The following GRID2 variants were observed in gnomAD, a reference collection of about 807,000 sequenced individuals.
The protein encoded by GRID2 is glutamate receptor ionotropic, delta-2.
GRID2 carries 33 observed loss-of-function variants against 114.8 expected under a neutral mutation model. That is an observed-to-expected ratio of 0.29 (90% CI 0.22 to 0.38). The LOEUF (loss-of-function observed/expected upper bound fraction) is 0.38, where lower values mean the gene tolerates loss of function less well. GRID2 is among the 10% of genes least tolerant of loss of function. GRID2 has a pLI of 1.00. For synonymous variants in GRID2, 505 were observed against 449.9 expected (o/e 1.12, Z -1.55); for missense variants, 1,184 against 1,257.7 (o/e 0.94, Z 0.89).
At chr4:93,262,269 T>C (rs906649148) in intron 8 of GRID2, among the ~76,000 whole-genome samples, 1 of 151,952 alleles carries the variant, frequency 6.6e-6, no homozygotes, top group Non-Finnish European at 1.5e-5. Flanking sequence ...TTCTTAGCAT[T>C]CCTTTCTAAA....
At chr4:93,738,531 A>G (rs1731114229) in intron 14 of GRID2, among the ~76,000 whole-genome samples, 2 of 152,142 alleles carry the variant, frequency 1.3e-5, no homozygotes, top group African/African-American at 4.8e-5. Flanking sequence ...GGAAGACTTA[A>G]TAAATGCCTA....
At chr4:93,630,805 AC>A (rs200637093) in intron 14 of GRID2, among the ~76,000 whole-genome samples, 1 of 145,898 alleles carries the variant, frequency 6.9e-6, no homozygotes, top group South Asian at 2.2e-4. Context: ...GCTTAGAATC[AC>A]AAAAAAAAGC....
intron 1 of GRID2, among the ~76,000 whole-genome samples, chr4:92,315,993 C>CAAAAAAAAAAAAAAAAAAAAAAAGAAA (rs778361565): frequency 9.7e-5 from 6 of 61,898 alleles, no homozygotes; most frequent in East Asian, 5.0e-4. Flanking sequence ...AAACAAAAAG[C>CAAAAAAAAAAAAAAAAAAAAAAAGAAA]AAAAAAAAAA....
intron 4 of GRID2, among the ~76,000 whole-genome samples, chr4:93,141,206 T>C (rs1735740021): frequency 6.6e-6 from 1 of 152,200 alleles, no homozygotes; most frequent in South Asian, 2.1e-4. Flanking sequence ...ATTTTAGTTT[T>C]ATTTTCCATT....
intron 3 of GRID2, among the ~76,000 whole-genome samples, chr4:93,089,027 A>G (rs796258930): frequency 9.2e-5 from 14 of 152,204 alleles, no homozygotes; most frequent in African/African-American, 3.1e-4. Context: ...TTTACTCCTC[A>G]TAATAGCCCT....
intron 14 of GRID2, among the ~76,000 whole-genome samples, chr4:93,730,577 A>C (rs1730392029): frequency 6.6e-6 from 1 of 152,184 alleles, no homozygotes; most frequent in Admixed American, 6.5e-5. Context: ...ATCCCATTGC[A>C]CTTGCCCATG....
intron 2 of GRID2, among the ~76,000 whole-genome samples, chr4:92,592,489 AC>A (rs1281986673): frequency 6.6e-6 from 1 of 152,062 alleles, no homozygotes; most frequent in Non-Finnish European, 1.5e-5. Context: ...TTTTGTTTCA[AC>A]ATTGCTCTCT....
At chr4:92,664,016 C>G (rs1036033201) in intron 2 of GRID2, among the ~76,000 whole-genome samples, 1 of 151,068 alleles carries the variant, frequency 6.6e-6, no homozygotes, top group Non-Finnish European at 1.5e-5. Flanking sequence ...TTTTACTTAT[C>G]TTTGCTCTAA....
chr4:93,665,245 G>A (rs571966331), intron 14 of GRID2, among the ~76,000 whole-genome samples: 2 of 152,240 alleles, frequency 1.3e-5, no homozygotes, highest in South Asian at 2.1e-4. Context: ...TCTGTACAAA[G>A]CAATAAATGC....
intron 2 of GRID2, among the ~76,000 whole-genome samples, chr4:92,686,542 A>G (rs1354681888): frequency 1.3e-5 from 2 of 152,038 alleles, no homozygotes; most frequent in African/African-American, 4.8e-5. Flanking sequence ...GGATTCTGAG[A>G]ATTTAATAAA....
At chr4:92,461,825 T>C (rs1343795890) in intron 1 of GRID2, among the ~76,000 whole-genome samples, 1 of 152,022 alleles carries the variant, frequency 6.6e-6, no homozygotes, top group African/African-American at 2.4e-5. Flanking sequence ...GAGCATTTTC[T>C]GCTCAGTTAG....
rs141740790 is a variant in GRID2, at chr4:92,770,219, G to A, written c.244+179933G>A. Among the ~76,000 whole-genome samples the A allele has an allele frequency of 9.7e-3, 1,479 of 152,242 alleles. 26 individuals carry two copies. The highest frequency in any genetic ancestry group is 0.034 in the African/African-American group (1,396 of 41,548). On this transcript the variant is annotated intron_variant, in intron 2 of 15. Coordinates refer to ENST00000282020, the MANE Select transcript of GRID2 (RefSeq NM_001510.4). ...ACCAGTCTCTTTGCTAAAACATAAA[G>A]AGAATCACCTTTGTTCCAGTTCCCA...
chr4:92,865,239 C>T (rs1744780393), intron 2 of GRID2, among the ~76,000 whole-genome samples: 1 of 152,158 alleles, frequency 6.6e-6, no homozygotes, highest in Non-Finnish European at 1.5e-5. Context: ...TACACAGTCA[C>T]TTCTCTTTCT....
intron 2 of GRID2, among the ~76,000 whole-genome samples, chr4:92,869,617 A>G (rs1745130373): frequency 6.6e-6 from 1 of 152,200 alleles, no homozygotes; most frequent in African/African-American, 2.4e-5. Context: ...CCTGGCTTAT[A>G]AAGCCCGACA....
chr4:92,482,872 C>G (rs567655430), intron 1 of GRID2, among the ~76,000 whole-genome samples: 14 of 152,282 alleles, frequency 9.2e-5, no homozygotes, highest in Admixed American at 6.5e-4. Context: ...ACATTATTCT[C>G]TAAATTCTAT....
At chr4:92,310,193 A>G (rs1268720070) in intron 1 of GRID2, among the ~76,000 whole-genome samples, 3 of 151,972 alleles carry the variant, frequency 2.0e-5, no homozygotes, top group African/African-American at 7.2e-5. Context: ...TGTTCATGTA[A>G]AACTCATAAC....
At chr4:93,583,577 A>G (rs1737207698) in intron 13 of GRID2, among the ~76,000 whole-genome samples, 1 of 152,154 alleles carries the variant, frequency 6.6e-6, no homozygotes, top group African/African-American at 2.4e-5. Context: ...CCTGGCAAGT[A>G]GTTATATTAT....
intron 1 of GRID2, among the ~76,000 whole-genome samples, chr4:93,788,414 CACAT>C (rs549703959): frequency 8.3e-4 from 126 of 152,056 alleles, no homozygotes; most frequent in African/African-American, 2.9e-3. Flanking sequence ...CAGTTCTCAA[CACAT>C]ACATACAAAA....
intron 2 of GRID2, among the ~76,000 whole-genome samples, chr4:92,630,089 C>T (rs1393206314): frequency 3.3e-5 from 5 of 151,936 alleles, no homozygotes; most frequent in Admixed American, 3.3e-4. Context: ...TTTCTGCACT[C>T]AATATTGTCT....
Sources: gnomAD v4.1 joint callset for allele counts (sites outside exome capture counted in the v4.1 genomes callset) on GRCh38, gnomAD v4.1.1 for gene constraint, MANE v1.5 for transcripts, NCBI Gene and HGNC (gene_info 2026-07-23, HGNC 2026-07-21) for gene names.